Variants in ZNF30 observed in about 807,000 individuals in gnomAD.
The protein encoded by ZNF30 is zinc finger protein 30.
Under a neutral mutation model 13.2 loss-of-function variants are expected in ZNF30, and 15 were observed. That is an observed-to-expected ratio of 1.13 (90% CI 0.76 to 1.75). The LOEUF is 1.75. Among genes scored for constraint, ZNF30 ranks in the 40% most tolerant of loss-of-function variants. The probability of loss-of-function intolerance (pLI) is 0.00; values close to 1 mark genes in which losing one functional copy is unlikely to be tolerated. For missense variants in ZNF30, 726 were observed against 757.0 expected (o/e 0.96, Z 0.48); for synonymous variants, 223 against 256.6 (o/e 0.87, Z 1.25).
intron 4 of ZNF30, 27 bp from the exon 5 acceptor site, chr19:34,943,196 T>G: frequency 7.0e-7 from 1 of 1,420,768 alleles, no homozygotes; most frequent in African/African-American, 1.4e-5. Flanking sequence ...AATAGAAAAA[T>G]AAGATATTTT....
chr19:34,943,604 T>A lies in ZNF30; in HGVS notation c.638T>A (p.Ile213Asn), dbSNP rs2013162200. ...AAATGTAAGCAATGTGGAAAGACTA[T>A]TAGTGGTAGCTATCAACTTACAGTA... ...PLKCKQCGKT[I>N]SGSYQLTVHK... Residue 213 changes from isoleucine to asparagine, a missense_variant, in exon 5 of 5, where the codon ATT becomes AAT. Coordinates refer to ENST00000601142, the MANE Select transcript of ZNF30 (RefSeq NM_194325.3). 8 of 1,613,760 alleles carry A rather than the reference T, an allele frequency of 5.0e-6. No individual in the cohort carries two copies. The highest frequency in any genetic ancestry group is 6.8e-6 in the Non-Finnish European group (8 of 1,179,814).
upstream of ZNF30, among the ~76,000 whole-genome samples, chr19:34,925,349 G>C (rs10409812): frequency 0.026 from 3,937 of 152,338 alleles, 191 homozygotes; most frequent in African/African-American, 0.09. Context: ...GCAGGGTTTT[G>C]AGTGGAAGTA....
In ZNF30 at chr19:34,943,483, G is replaced by A. The variant is rs201986282; in HGVS notation, c.517G>A (p.Glu173Lys). The change falls in exon 5 of 5, where the codon GAG (glutamate) becomes AAG (lysine). Residue 173 changes from glutamate to lysine, a missense_variant. By Grantham distance (56) the Glu-to-Lys change is moderately conservative. Coordinates refer to ENST00000601142, the MANE Select transcript of ZNF30 (RefSeq NM_194325.3). Reference protein sequence around the residue: ...LTIHQRLHVGEKPYKYEKCGK... With the variant: ...LTIHQRLHVGKKPYKYEKCGK... ...CATACATCAGAGATTGCATGTTGGT[G>A]AGAAACCCTATAAATATGAAAAATG... is the stretch of plus-strand genomic sequence containing the variant. 618 of 1,613,872 alleles carry A rather than the reference G, an allele frequency of 3.8e-4. 11 individuals carry two copies. The South Asian group carries it at 6.4e-3, about 17-fold the overall frequency.
intron 1 of ZNF30, among the ~76,000 whole-genome samples, chr19:34,929,502 C>G (rs1219235391): frequency 6.6e-6 from 1 of 152,170 alleles, no homozygotes; most frequent in Non-Finnish European, 1.5e-5. Context: ...TGACCAACCT[C>G]AGATTTATAC....
chr19:34,924,640 C>T (rs1054327860), upstream of ZNF30, among the ~76,000 whole-genome samples: 3 of 152,186 alleles, frequency 2.0e-5, no homozygotes, highest in Admixed American at 1.3e-4. Flanking sequence ...TCAGGAATCA[C>T]AGGATATTGC....
Position 34,944,444 on chromosome 19 carries a change from T to G in ZNF30, c.1478T>G (p.Phe493Cys). 6.2e-6 allele frequency: 10 copies of G among 1,613,818 alleles called. No homozygotes were observed. The highest frequency in any genetic ancestry group is 8.5e-6 in the Non-Finnish European group (10 of 1,179,952). ...GAATGTAAGGAATGTGGAAAGACTT[T>G]TAGTCGAGCCTCGTACCTTGTACAA... ...PYECKECGKT[F>C]SRASYLVQHS... The change falls in exon 5 of 5, where the codon TTT becomes TGT. Residue 493 changes from phenylalanine (F) to cysteine (C), a missense_variant. Phe to Cys is a radical substitution (Grantham distance 205). Transcript: ENST00000601142.
At chr19:34,939,191 C>A (rs2012912379) in intron 4 of ZNF30, among the ~76,000 whole-genome samples, 1 of 136,362 alleles carries the variant, frequency 7.3e-6, no homozygotes, top group African/African-American at 2.7e-5. Context: ...CCCCTATCCT[C>A]TTTTCTTTCA....
intron 3 of ZNF30, among the ~76,000 whole-genome samples, chr19:34,933,251 C>T (rs1008523648): frequency 6.6e-6 from 1 of 151,942 alleles, no homozygotes; most frequent in Non-Finnish European, 1.5e-5. Context: ...GTCAAGATAT[C>T]GAGACCATCC....
At chr19:34,928,961 C>G (rs2545997) in intron 1 of ZNF30, among the ~76,000 whole-genome samples, 2 of 152,026 alleles carry the variant, frequency 1.3e-5, no homozygotes, top group Non-Finnish European at 2.9e-5. Context: ...GTATCTCCCC[C>G]CTGTGGATAA....
rs1056753870 is a variant in ZNF30 at position 34,944,821 on chromosome 19, A to G, written c.1855A>G (p.Met619Val). The change falls in exon 5 of 5, where the codon ATG (methionine) becomes GTG (valine). Residue 619 changes from methionine to valine, a missense_variant. By Grantham distance (21) the Met-to-Val change is conservative (BLOSUM62 1). Coordinates refer to ENST00000601142, the MANE Select transcript of ZNF30 (RefSeq NM_194325.3). Reference sequence around the variant, plus strand: ...CCTTAAAGTGCATCTGAGAAAACATATGAGTGTTATACCCTAAGAGTCTGA... The same window carrying G: ...CCTTAAAGTGCATCTGAGAAAACATGTGAGTGTTATACCCTAAGAGTCTGA... ...SALKVHLRKH[M>V]SVIP 8 of 1,602,484 alleles carry G rather than the reference A, an allele frequency of 5.0e-6. No homozygotes were observed. The highest frequency in any genetic ancestry group is 6.0e-6 in the Non-Finnish European group (7 of 1,172,232).
Position 34,928,220 on chromosome 19 carries a change from AATAT to A in ZNF30, c.-65+1036_-65+1039del, listed in dbSNP as rs374649415. ...GAGATCCCTTCTCTAAAAAAAAAAAAATATATATATATATATATATATATATATA... is the reference window on the plus strand; with the variant it reads ...GAGATCCCTTCTCTAAAAAAAAAAAAATATATATATATATATATATATATA... On this transcript the variant is annotated intron_variant, in intron 1 of 4. Transcript: ENST00000601142. 5.6e-3 allele frequency among the ~76,000 whole-genome samples: 411 copies of A among 73,344 alleles called. 5 individuals carry two copies. Among genetic ancestry groups the A allele is most frequent in the Middle Eastern group, 9.6e-3 (1 of 104 alleles). The allele number at this position is 73,344 out of a possible 152,430, so 48.1% of individuals were successfully genotyped here.
Position 34,943,717 on chromosome 19 carries a change from C to A in ZNF30, c.751C>A (p.Gln251Lys), listed in dbSNP as rs1248072603. ...FLVYGKLTRH[Q>K]STHTGEKPFG... is the part of the protein sequence containing the mutation. Reference sequence around the variant, plus strand: ...AGTATATGGAAAGCTTACCCGGCATCAGAGTACTCACACTGGTGAAAAACC... The same window carrying A: ...AGTATATGGAAAGCTTACCCGGCATAAGAGTACTCACACTGGTGAAAAACC... Residue 251 changes from glutamine (Q) to lysine (K), a missense_variant, in exon 5 of 5, where the codon CAG becomes AAG. Gln to Lys is a moderately conservative substitution (Grantham distance 53). Transcript: ENST00000601142. The A allele has an allele frequency of 6.2e-7, 1 of 1,613,544 alleles. No individual in the cohort carries two copies. The highest frequency in any genetic ancestry group is 1.3e-5 in the African/African-American group (1 of 74,932).
At chr19:34,928,340 C>T (rs913796847) in intron 1 of ZNF30, among the ~76,000 whole-genome samples, 44 of 148,138 alleles carry the variant, frequency 3.0e-4, no homozygotes, top group African/African-American at 8.1e-4. Flanking sequence ...ATAATGTTTA[C>T]GTAATAACTC....
At chr19:34,941,902 T>G (rs2013067605) in intron 4 of ZNF30, among the ~76,000 whole-genome samples, 1 of 152,194 alleles carries the variant, frequency 6.6e-6, no homozygotes, top group Non-Finnish European at 1.5e-5. Context: ...ATATCTAATG[T>G]CTGGCCGTGC....
rs757120244 is a variant in ZNF30, at chr19:34,931,936, C to T, written c.103C>T (p.Gln35Ter). 2 of 1,613,248 alleles carry T rather than the reference C, an allele frequency of 1.2e-6. No individual in the cohort carries two copies. The highest frequency in any genetic ancestry group is 8.5e-7 in the Non-Finnish European group (1 of 1,179,698). ...QQEWESLDSS[Q>*]RGLYRDVMLE... ...GGAGTGGGAGAGTCTGGACTCTTCC[C>T]AGAGGGGCTTGTACAGAGATGTGAT... Residue 35 changes from glutamine to a stop codon, truncating the protein, a stop_gained, in exon 3 of 5, where the codon CAG becomes TAG. Transcript: ENST00000601142. LOFTEE classifies it high-confidence loss of function.
At position 34,944,626 on chromosome 19, in the gene ZNF30, C is replaced by T. The variant is rs778707623; in HGVS notation, c.1660C>T (p.Gln554Ter). 4.3e-5 allele frequency: 69 copies of T among 1,613,906 alleles called. No individual in the cohort carries two copies. The highest frequency in any genetic ancestry group is 1.6e-4 in the Middle Eastern group (1 of 6,084). ...KCGKAFTVYG[Q>*]LIGHQSVHTG... is the part of the protein sequence containing the mutation. ...TGGGAAAGCCTTTACTGTTTATGGA[C>T]AACTTATTGGACATCAGAGTGTTCA... Residue 554 changes from glutamine to a stop codon, truncating the protein, a stop_gained, in exon 5 of 5, where the codon CAA (glutamine) becomes TAA (stop). Coordinates refer to ENST00000601142, the MANE Select transcript of ZNF30 (RefSeq NM_194325.3). LOFTEE classifies it high-confidence loss of function.
At chr19:34,940,715 G>C (rs1274680944) in intron 4 of ZNF30, among the ~76,000 whole-genome samples, 1 of 146,788 alleles carries the variant, frequency 6.8e-6, no homozygotes, top group African/African-American at 2.5e-5. Context: ...TGGATTATTT[G>C]ACAAGAAAAT....
intron 4 of ZNF30, 122 bp from the exon 5 acceptor site, chr19:34,943,101 A>G: frequency 1.5e-6 from 1 of 649,544 alleles, no homozygotes; most frequent in Non-Finnish European, 2.4e-6. Flanking sequence ...GAATTTCATA[A>G]TGGTGTTTTA....
chr19:34,938,380 T>C (rs2012852575), intron 4 of ZNF30, among the ~76,000 whole-genome samples: 1 of 152,164 alleles, frequency 6.6e-6, no homozygotes, highest in Non-Finnish European at 1.5e-5. Context: ...TTGAGGATTT[T>C]CTTTTTTATT....
Sources: allele counts gnomAD v4.1 joint callset (sites outside exome capture counted in the v4.1 genomes callset), GRCh38; gene constraint gnomAD v4.1.1; transcripts MANE v1.5; gene names NCBI Gene and HGNC (gene_info 2026-07-23, HGNC 2026-07-21).